The following FHL5 variants were observed in gnomAD, a reference collection of about 807,000 sequenced individuals.
The protein encoded by FHL5 is four and a half LIM domains protein 5.
FHL5 carries 33 observed loss-of-function variants against 32.0 expected under a neutral mutation model. The ratio of observed to expected loss-of-function variants is 1.03; its 90% CI spans 0.78 to 1.38. FHL5 has a LOEUF of 1.38. Among genes scored for constraint, FHL5 ranks in the 40% most tolerant of loss-of-function variants. FHL5 has a pLI of 0.00. For synonymous variants in FHL5, 114 were observed against 113.6 expected, an observed-to-expected ratio of 1.00 and a Z score of -0.02; for missense variants, 336 against 343.9, an observed-to-expected ratio of 0.98 and a Z score of 0.18.
At chr6:96,605,245 T>C (rs781449954) in intron 3 of FHL5, among the ~76,000 whole-genome samples, 1 of 152,134 alleles carries the variant, frequency 6.6e-6, no homozygotes, top group African/African-American at 2.4e-5. Context: ...GCACAATCAA[T>C]GGCATCAGAA....
intron 1 of FHL5, among the ~76,000 whole-genome samples, chr6:96,578,580 G>A (rs142911467): frequency 0.012 from 1,767 of 152,190 alleles, 33 homozygotes; most frequent in African/African-American, 0.034. Flanking sequence ...AGTGGCTCAC[G>A]CCTGTAATCC....
chr6:96,613,971 AAACCAGAT>A (rs1260806508), intron 5 of FHL5, among the ~76,000 whole-genome samples: 1 of 152,208 alleles, frequency 6.6e-6, no homozygotes, highest in Admixed American at 6.5e-5. Flanking sequence ...GAAACCTATG[AAACCAGAT>A]AACACAGGTG....
intron 4 of FHL5, among the ~76,000 whole-genome samples, chr6:96,606,338 G>GT (rs1771279372): frequency 6.6e-6 from 1 of 151,500 alleles, no homozygotes; most frequent in South Asian, 2.1e-4. Flanking sequence ...TCATTTCACT[G>GT]TTTTTTGTTG....
chr6:96,603,918 C>A, intron 2 of FHL5, 146 bp downstream of exon 2: 1 of 611,992 alleles, frequency 1.6e-6, no homozygotes, highest in Non-Finnish European at 2.8e-6. Flanking sequence ...AGCAGTCAAG[C>A]TCCAGCCACT....
intron 1 of FHL5, among the ~76,000 whole-genome samples, chr6:96,580,680 G>C (rs1770679300): frequency 6.6e-6 from 1 of 152,136 alleles, no homozygotes; most frequent in South Asian, 2.1e-4. Flanking sequence ...ATAAATGAAA[G>C]CCAATATATT....
At chr6:96,587,385 T>G (rs1238277228) in intron 1 of FHL5, among the ~76,000 whole-genome samples, 1 of 152,190 alleles carries the variant, frequency 6.6e-6, no homozygotes, top group African/African-American at 2.4e-5. Flanking sequence ...CAGTTACTTA[T>G]GTAAAAAGAC....
intron 1 of FHL5, among the ~76,000 whole-genome samples, chr6:96,587,707 A>G (rs887263263): frequency 2.6e-5 from 4 of 152,324 alleles, no homozygotes; most frequent in Admixed American, 2.6e-4. Flanking sequence ...AAATTAGATA[A>G]TCTTATATTG....
chr6:96,563,981 T>C (rs751648023), intron 1 of FHL5, among the ~76,000 whole-genome samples: 4 of 152,196 alleles, frequency 2.6e-5, no homozygotes, highest in Admixed American at 6.5e-5. Flanking sequence ...GTGCTACTTC[T>C]TGAAACAGAG....
At chr6:96,595,401 A>G (rs1042035393) in intron 1 of FHL5, among the ~76,000 whole-genome samples, 2 of 151,612 alleles carry the variant, frequency 1.3e-5, no homozygotes, top group Non-Finnish European at 3.0e-5. Context: ...TGTCTCTGGA[A>G]TATGACATCT....
At chr6:96,610,206 A>C (rs935042519) in intron 4 of FHL5, among the ~76,000 whole-genome samples, 2 of 152,220 alleles carry the variant, frequency 1.3e-5, no homozygotes, top group African/African-American at 4.8e-5. Flanking sequence ...GAAGTGAAAA[A>C]AGAACCTGTG....
intron 1 of FHL5, among the ~76,000 whole-genome samples, chr6:96,573,641 C>T (rs549714035): frequency 6.6e-6 from 1 of 150,616 alleles, no homozygotes; most frequent in Non-Finnish European, 1.5e-5. Flanking sequence ...CCTGCCTCAG[C>T]CTCCCTAGTA....
intron 1 of FHL5, among the ~76,000 whole-genome samples, 168 bp downstream of exon 1, chr6:96,563,523 C>T (rs1770290935): frequency 6.6e-6 from 1 of 151,940 alleles, no homozygotes; most frequent in Admixed American, 6.6e-5. Context: ...GCCATTTTAG[C>T]TAAAGGTTAT....
intron 1 of FHL5, among the ~76,000 whole-genome samples, chr6:96,582,347 AGT>A (rs1228692937): frequency 6.6e-6 from 1 of 152,008 alleles, no homozygotes; most frequent in Non-Finnish European, 1.5e-5. Context: ...CTTATATCCC[AGT>A]GAGAAAAAAA....
intron 1 of FHL5, among the ~76,000 whole-genome samples, chr6:96,594,603 T>C (rs1164287337): frequency 6.6e-6 from 1 of 152,024 alleles, no homozygotes; most frequent in Non-Finnish European, 1.5e-5. Flanking sequence ...TGTTGACAGT[T>C]ACTTTTGGAT....
intron 3 of FHL5, among the ~76,000 whole-genome samples, chr6:96,605,143 C>T (rs1009619058): frequency 6.6e-6 from 1 of 152,130 alleles, no homozygotes; most frequent in Non-Finnish European, 1.5e-5. Context: ...TTCATATAGT[C>T]TAATTCATAG....
chr6:96,578,358 G>A (rs935640399), intron 1 of FHL5, among the ~76,000 whole-genome samples: 1 of 152,096 alleles, frequency 6.6e-6, no homozygotes, highest in African/African-American at 2.4e-5. Context: ...AGAAAACAAG[G>A]TCATAAAGAG....
intron 1 of FHL5, among the ~76,000 whole-genome samples, chr6:96,566,818 A>G (rs537112600): frequency 6.6e-6 from 1 of 151,972 alleles, no homozygotes; most frequent in Non-Finnish European, 1.5e-5. Flanking sequence ...ATGTCTATTC[A>G]GCTTATTTGT....
Position 96,597,136 on chromosome 6 carries a change from C to A in FHL5, c.-12-6466C>A, listed in dbSNP as rs961678146. Among the ~76,000 whole-genome samples the A allele has an allele frequency of 4.6e-5, 7 of 152,170 alleles. No homozygotes were observed. In the East Asian group the frequency reaches 1.2e-3, roughly 25 times the overall value. On this transcript the variant is annotated intron_variant, in intron 1 of 5. Coordinates refer to ENST00000450218, the MANE Select transcript of FHL5 (RefSeq NM_001322466.2). ...CTTCTCAGAATTCCAAGACTTCATA[C>A]ATGGTTGTATTCTTCTATCACTTGA...
At chr6:96,578,716 C>T (rs915732380) in intron 1 of FHL5, among the ~76,000 whole-genome samples, 1 of 152,210 alleles carries the variant, frequency 6.6e-6, no homozygotes, top group East Asian at 1.9e-4. Context: ...GTGGCATGCG[C>T]CTGTAGTCCC....
Sources: gnomAD v4.1 joint callset for allele counts (sites outside exome capture counted in the v4.1 genomes callset) on GRCh38, gnomAD v4.1.1 for gene constraint, MANE v1.5 for transcripts, NCBI Gene and HGNC (gene_info 2026-07-23, HGNC 2026-07-21) for gene names.